L2HGDH: variants seen among roughly 807,000 people sequenced by gnomAD.
The protein encoded by L2HGDH is L-2-hydroxyglutarate dehydrogenase, mitochondrial.
Under a neutral mutation model 51.5 loss-of-function variants are expected in L2HGDH, and 34 were observed. That is an observed-to-expected ratio of 0.66 (90% confidence interval 0.50 to 0.88). The LOEUF (loss-of-function observed/expected upper bound fraction) is 0.88. Among genes scored for constraint, L2HGDH ranks in the 40% least tolerant of loss-of-function variants. L2HGDH has a pLI of 0.00. For synonymous variants in L2HGDH, 198 were observed against 197.9 expected, an observed-to-expected ratio of 1.00 and a Z score of -0.01; for missense variants, 558 against 571.9, an observed-to-expected ratio of 0.98 and a Z score of 0.25.
Position 50,296,140 on chromosome 14 carries a change from G to C in L2HGDH, c.409-1894C>G, listed in dbSNP as rs147311089. 6.3e-4 allele frequency among the ~76,000 whole-genome samples: 96 copies of C among 152,092 alleles called. 1 individual carries two copies. The East Asian group carries it at 0.017, about 27-fold the overall frequency. ...TAATCCTAGCACTCTGGGAAGCTGAGGCTGGTGGATTGCTTGAGCTCAGGA... is the reference window on the plus strand; with the variant it reads ...TAATCCTAGCACTCTGGGAAGCTGACGCTGGTGGATTGCTTGAGCTCAGGA... On this transcript the variant is annotated intron_variant, in intron 3 of 9. Transcript: ENST00000267436.
chr14:50,267,556 A>AT (rs112225106), intron 8 of L2HGDH, among the ~76,000 whole-genome samples, 197 bp downstream of exon 8: 74 of 150,180 alleles, frequency 4.9e-4, no homozygotes, highest in Middle Eastern at 3.4e-3. Context: ...TCCAAAAGGC[A>AT]TTTTTTTTTT....
Position 50,302,094 on chromosome 14 carries a change from T to C in L2HGDH, c.331A>G (p.Lys111Glu). 5 of 1,614,148 alleles carry C rather than the reference T, an allele frequency of 3.1e-6. No individual in the cohort carries two copies. Among genetic ancestry groups the C allele is most frequent in the Non-Finnish European group, 3.4e-6 (4 of 1,180,028 alleles). ...IYYKPESLKA[K>E]LCVQGAALLY... ...AGGGCTGCACCTTGTACACATAATT[T>C]GGCTTTCAGAGACTCAGGTTTATAA... Residue 111 changes from lysine to glutamate, a missense_variant, in exon 3 of 10, where the codon AAA becomes GAA. Around this residue, in one of 3 missense-constraint regions of L2HGDH, gnomAD observed 194 missense variants for 187.2 expected, o/e 1.04. Transcript: ENST00000267436.
chr14:50,302,834 G>T (rs1452003518), intron 2 of L2HGDH, 68 bp downstream of exon 2: 3 of 1,039,470 alleles, frequency 2.9e-6, no homozygotes, highest in Non-Finnish European at 4.6e-6. Context: ...CAGCATGAAA[G>T]ATTCACAACA....
chr14:50,271,054 GCAGTCCTGGCTCACTA>G (rs1460400824), intron 6 of L2HGDH, among the ~76,000 whole-genome samples: 1 of 152,002 alleles, frequency 6.6e-6, no homozygotes, highest in East Asian at 1.9e-4. Context: ...GTGCGATGGC[GCAGTCCTGGCTCACTA>G]CAGCCTCAAC....
chr14:50,283,325 C>A (rs1437931358), intron 5 of L2HGDH, among the ~76,000 whole-genome samples: 1 of 152,120 alleles, frequency 6.6e-6, no homozygotes, highest in African/African-American at 2.4e-5. Flanking sequence ...GATTTTAGCA[C>A]CAGTCAGAAG....
chr14:50,253,518 C>A (rs1158492375), intron 9 of L2HGDH, among the ~76,000 whole-genome samples: 1 of 151,952 alleles, frequency 6.6e-6, no homozygotes, highest in Non-Finnish European at 1.5e-5. Context: ...GGCTTTTATT[C>A]AAAAGACAGG....
At chr14:50,271,538 G>C (rs978661975) in intron 6 of L2HGDH, among the ~76,000 whole-genome samples, 4 of 152,044 alleles carry the variant, frequency 2.6e-5, no homozygotes, top group African/African-American at 9.7e-5. Context: ...TGATACATTA[G>C]TTCAACAAAA....
chr14:50,284,049 G>A lies in L2HGDH; in HGVS notation c.541-16C>T, dbSNP rs371391612. 4 of 1,607,764 alleles carry A rather than the reference G, an allele frequency of 2.5e-6. No homozygotes were observed. The highest frequency in any genetic ancestry group is 2.6e-6 in the Non-Finnish European group (3 of 1,174,576). On this transcript the variant is annotated splice_polypyrimidine_tract_variant and intron_variant, in intron 4 of 9. Transcript: ENST00000267436. ...CCATTAGACCCTGAAACAGAATTAT[G>A]AAAAGATAACAGATAAGAGAAATAA... is the stretch of plus-strand genomic sequence containing the variant.
intron 1 of L2HGDH, among the ~76,000 whole-genome samples, chr14:50,310,197 G>T (rs1322333731): frequency 6.6e-6 from 1 of 151,984 alleles, no homozygotes; most frequent in East Asian, 1.9e-4. Context: ...GGTAAATGGG[G>T]TGAAGGGTAC....
chr14:50,272,320 T>C lies in L2HGDH; in HGVS notation c.739-2990A>G, dbSNP rs564847366. 4.6e-5 allele frequency among the ~76,000 whole-genome samples: 7 copies of C among 152,324 alleles called. No homozygotes were observed. In the South Asian group the frequency reaches 6.2e-4, roughly 14 times the overall value. ...AGGCCCCTGTATATATTCTATCATA[T>C]GATGCTATACTCTAGTGAAAATGTC... On this transcript the variant is annotated intron_variant, in intron 6 of 9. Transcript: ENST00000267436.
intron 1 of L2HGDH, among the ~76,000 whole-genome samples, chr14:50,303,356 A>T (rs1566540274): frequency 6.6e-6 from 1 of 151,938 alleles, no homozygotes; most frequent in Non-Finnish European, 1.5e-5. Context: ...TGGGAAGCAG[A>T]GGTTGCAGTG....
intron 3 of L2HGDH, among the ~76,000 whole-genome samples, chr14:50,297,369 T>C (rs2030119427): frequency 9.1e-6 from 1 of 109,432 alleles, no homozygotes; most frequent in Non-Finnish European, 2.1e-5. Context: ...AAGGAATTCA[T>C]AGACACACAC....
chr14:50,285,372 G>A (rs1890513378), intron 4 of L2HGDH, among the ~76,000 whole-genome samples: 1 of 152,158 alleles, frequency 6.6e-6, no homozygotes, highest in Admixed American at 6.6e-5. Context: ...GCAATGTTTG[G>A]CAAACTTCAT....
chr14:50,312,003 C>T lies in L2HGDH; in HGVS notation c.140+8G>A, dbSNP rs2031246423. Reference sequence around the variant, plus strand: ...CGCAGGCGGCGGGGAGGACCAGCGGCCACTCACCTGGTGCTGGCGCTGCGG... The same window carrying T: ...CGCAGGCGGCGGGGAGGACCAGCGGTCACTCACCTGGTGCTGGCGCTGCGG... On this transcript the variant is annotated splice_region_variant and intron_variant, in intron 1 of 9. Transcript: ENST00000267436. 6.4e-7 allele frequency: 1 copy of T among 1,557,732 alleles called. No individual in the cohort carries two copies. The highest frequency in any genetic ancestry group is 8.7e-7 in the Non-Finnish European group (1 of 1,153,862).
At chr14:50,275,542 C>T (rs150749584) in intron 6 of L2HGDH, among the ~76,000 whole-genome samples, 73 of 152,330 alleles carry the variant, frequency 4.8e-4, no homozygotes, top group African/African-American at 1.7e-3. Context: ...GATCAGTGAA[C>T]TTATTCTGCA....
chr14:50,298,378 C>T lies in L2HGDH; in HGVS notation c.408+3639G>A, dbSNP rs371007777. ...TTGCCCAGGCTGGAGTGCAATGGCGCGATCTCAGCTCACTACAACCTCTGC... is the reference window on the plus strand; with the variant it reads ...TTGCCCAGGCTGGAGTGCAATGGCGTGATCTCAGCTCACTACAACCTCTGC... On this transcript the variant is annotated intron_variant, in intron 3 of 9. Coordinates refer to ENST00000267436, the MANE Select transcript of L2HGDH (RefSeq NM_024884.3). 4.7e-3 allele frequency among the ~76,000 whole-genome samples: 709 copies of T among 151,782 alleles called. 5 individuals are homozygous for T. Among genetic ancestry groups the T allele is most frequent in the Non-Finnish European group, 7.8e-3 (527 of 67,914 alleles).
At chr14:50,296,685 G>A (rs192001144) in intron 3 of L2HGDH, among the ~76,000 whole-genome samples, 40 of 149,940 alleles carry the variant, frequency 2.7e-4, no homozygotes, top group Non-Finnish European at 3.7e-4. Context: ...TTCATAAACT[G>A]TTCCAAAAAA....
At chr14:50,294,057 A>C in intron 4 of L2HGDH, 58 bp downstream of exon 4, 10 of 1,587,388 alleles carry the variant, frequency 6.3e-6, no homozygotes, top group Non-Finnish European at 8.6e-6. Context: ...ACTCACCCTC[A>C]GCCTCCATGT....
At chr14:50,260,334 T>C (rs1179682614) in intron 9 of L2HGDH, among the ~76,000 whole-genome samples, 1 of 152,236 alleles carries the variant, frequency 6.6e-6, no homozygotes, top group Non-Finnish European at 1.5e-5. Context: ...GATTTCTTTT[T>C]CAGCACTTGA....
Sources: gnomAD v4.1 joint callset for allele counts (sites outside exome capture counted in the v4.1 genomes callset) on GRCh38, gnomAD v4.1.1 for gene constraint, gnomAD v4.1.1 regional missense constraint, MANE v1.5 for transcripts, NCBI Gene and HGNC (gene_info 2026-07-23, HGNC 2026-07-21) for gene names.